Variants in ZNF678 observed in about 807,000 individuals in gnomAD.
ZNF678 encodes zinc finger protein 678, also known as hypothetical protein MGC42493.
A neutral mutation model predicts 3.0 loss-of-function variants in ZNF678; 5 were observed. The ratio of observed to expected loss-of-function variants is 1.69; its 90% CI spans 0.88 to 3.56. ZNF678 has a LOEUF of 3.56. Among genes scored for constraint, ZNF678 ranks in the 30% most tolerant of loss-of-function variants. The probability of loss-of-function intolerance (pLI) is 0.00; values close to 1 mark genes in which losing one functional copy is unlikely to be tolerated. For synonymous variants in ZNF678, 218 were observed against 199.6 expected (o/e 1.09, Z -0.78); for missense variants, 593 against 605.0 (o/e 0.98, Z 0.21).
chr1:227,595,973 G>A (rs1657575835), intron 1 of ZNF678, among the ~76,000 whole-genome samples: 1 of 152,206 alleles, frequency 6.6e-6, no homozygotes, highest in African/African-American at 2.4e-5. Context: ...CCACTCAAAT[G>A]GAGTGGGCAA....
chr1:227,636,685 C>T (rs747550179), intron 1 of ZNF678, among the ~76,000 whole-genome samples: 6 of 152,114 alleles, frequency 3.9e-5, no homozygotes, highest in African/African-American at 1.2e-4. Context: ...ACAGGGACTC[C>T]GAGGGTGCTG....
At chr1:227,623,039 C>T (rs1455768577) in intron 1 of ZNF678, among the ~76,000 whole-genome samples, 1 of 152,216 alleles carries the variant, frequency 6.6e-6, no homozygotes, top group Non-Finnish European at 1.5e-5. Flanking sequence ...TAGAACCAGC[C>T]CCTCTATGTA....
intron 1 of ZNF678, among the ~76,000 whole-genome samples, chr1:227,604,104 A>G (rs138132949): frequency 2.3e-4 from 35 of 152,274 alleles, no homozygotes; most frequent in Admixed American, 2.6e-4. Context: ...ACATTTGAGT[A>G]TTTCCATTTT....
rs533174282 is a variant in ZNF678 at position 227,620,331 on chromosome 1, C to T, written c.-163-26213C>T. On this transcript the variant is annotated intron_variant, in intron 1 of 3. Coordinates refer to ENST00000343776, the MANE Select transcript of ZNF678 (RefSeq NM_001367909.1). ...CTTTTTTGAGTTTTCAGTAAGTTAA[C>T]GTTACCATTAATATTCCACTTACAT... 3.3e-5 allele frequency among the ~76,000 whole-genome samples: 5 copies of T among 152,170 alleles called. No individual in the cohort carries two copies. In the East Asian group the frequency reaches 5.8e-4, roughly 18 times the overall value.
intron 1 of ZNF678, among the ~76,000 whole-genome samples, chr1:227,625,280 C>A (rs1169847038): frequency 1.3e-5 from 2 of 152,102 alleles, no homozygotes; most frequent in African/African-American, 4.8e-5. Context: ...CTCTCAGTAC[C>A]CCCTCTCAAC....
In ZNF678 at chr1:227,593,865, CCCTT is replaced by C. The variant is rs1457369403; in HGVS notation, c.-164+30142_-164+30145del. ...GGTGTTATGAGTCCATCCCCCCCCC[CCCTT>C]TTTTTTTTTTTTGATGTACGAACAG... On this transcript the variant is annotated intron_variant, in intron 1 of 3. Transcript: ENST00000343776. Among the ~76,000 whole-genome samples the C allele has an allele frequency of 7.9e-3, 926 of 117,190 alleles. 20 individuals carry two copies. Among genetic ancestry groups the C allele is most frequent in the South Asian group, 0.034 (115 of 3,342 alleles). The allele number at this position is 117,190 out of a possible 152,430, so 76.9% of individuals were successfully genotyped here.
intron 2 of ZNF678, among the ~76,000 whole-genome samples, chr1:227,647,104 A>G (rs1398825381): frequency 1.3e-5 from 2 of 152,000 alleles, no homozygotes; most frequent in South Asian, 2.1e-4. Flanking sequence ...AATACAAAAA[A>G]AAATTAGATG....
chr1:227,651,448 A>G (rs897388424), intron 3 of ZNF678, among the ~76,000 whole-genome samples: 2 of 152,148 alleles, frequency 1.3e-5, no homozygotes, highest in African/African-American at 2.4e-5. Context: ...GACCACAGTA[A>G]ATGTCAAGGT....
chr1:227,612,410 A>T (rs761499909), intron 1 of ZNF678, among the ~76,000 whole-genome samples: 1 of 152,166 alleles, frequency 6.6e-6, no homozygotes, highest in Non-Finnish European at 1.5e-5. Flanking sequence ...GTGGTCACAA[A>T]CTGGAAAAAT....
chr1:227,589,635 A>G lies in ZNF678; in HGVS notation c.-164+25911A>G, dbSNP rs554772599. Among the ~76,000 whole-genome samples, 4 of 151,800 alleles carry G rather than the reference A, an allele frequency of 2.6e-5. 1 individual carries two copies. The highest frequency in any genetic ancestry group is 9.7e-5 in the African/African-American group (4 of 41,256). ...GGTCCACGTGAGAGGGCTGTGATCA[A>G]TTGAGCAAGCAGGGGGTGCATGACT... On this transcript the variant is annotated intron_variant, in intron 1 of 3. Transcript: ENST00000343776.
intron 1 of ZNF678, among the ~76,000 whole-genome samples, chr1:227,610,435 A>C (rs1657988429): frequency 6.6e-6 from 1 of 152,176 alleles, no homozygotes; most frequent in South Asian, 2.1e-4. Context: ...GTGCCCTAAA[A>C]CCCATGGGCA....
intron 1 of ZNF678, among the ~76,000 whole-genome samples, chr1:227,620,109 G>T (rs933162400): frequency 6.6e-6 from 1 of 152,166 alleles, no homozygotes; most frequent in Admixed American, 6.5e-5. Context: ...GGAGCTCCCA[G>T]AATTAAATTC....
chr1:227,589,173 T>C (rs547627678), intron 1 of ZNF678, among the ~76,000 whole-genome samples: 1 of 151,962 alleles, frequency 6.6e-6, no homozygotes, highest in Admixed American at 6.6e-5. Flanking sequence ...TTTTTGCTTT[T>C]GTTGCAATTG....
At chr1:227,634,793 T>A (rs897984269) in intron 1 of ZNF678, among the ~76,000 whole-genome samples, 7 of 152,234 alleles carry the variant, frequency 4.6e-5, no homozygotes, top group African/African-American at 1.7e-4. Flanking sequence ...GAGAACTTAC[T>A]GCCCTGAAGG....
chr1:227,586,999 G>A (rs7549475), intron 1 of ZNF678, among the ~76,000 whole-genome samples: 32,146 of 152,102 alleles, frequency 0.21, 3,914 homozygotes, highest in African/African-American at 0.33. Context: ...GGAAGACAGA[G>A]CCCTGTTCAG....
chr1:227,653,277 T>A (rs1295788909), intron 3 of ZNF678, among the ~76,000 whole-genome samples: 3 of 151,926 alleles, frequency 2.0e-5, no homozygotes, highest in Non-Finnish European at 4.4e-5. Flanking sequence ...TTTTTTTACA[T>A]CTTATGTATA....
chr1:227,573,838 G>GA (rs1210873972), intron 1 of ZNF678, among the ~76,000 whole-genome samples: 3 of 152,194 alleles, frequency 2.0e-5, no homozygotes, highest in African/African-American at 7.2e-5. Flanking sequence ...TCTACCATCA[G>GA]ATAAGTCCCA....
In ZNF678 at chr1:227,655,545, C is replaced by T. The variant is rs759101461; in HGVS notation, c.1295C>T (p.Pro432Leu). 3 of 1,612,526 alleles carry T rather than the reference C, an allele frequency of 1.9e-6. No homozygotes were observed. The highest frequency in any genetic ancestry group is 1.7e-5 in the Admixed American group (1 of 59,868). Reference sequence around the variant, plus strand: ...AAGAGAATTCATACTGGAGAGAAACCCTACAAATGTAAAGAATGTGGCAAA... The same window carrying T: ...AAGAGAATTCATACTGGAGAGAAACTCTACAAATGTAAAGAATGTGGCAAA... ...SHKRIHTGEK[P>L]YKCKECGKAF... The change falls in exon 4 of 4, where the codon CCC becomes CTC. Residue 432 changes from proline to leucine, a missense_variant. Transcript: ENST00000343776.
In ZNF678 at chr1:227,573,903, T is replaced by G. The variant is rs142351450; in HGVS notation, c.-164+10179T>G. ...GTGTTCTCATCATTTAGCTTCCACT[T>G]ACAAGTGAGAATATGCAGTATTTGT... On this transcript the variant is annotated intron_variant, in intron 1 of 3. Transcript: ENST00000343776. Among the ~76,000 whole-genome samples the G allele has an allele frequency of 3.3e-4, 51 of 152,348 alleles. No homozygotes were observed. In the East Asian group the frequency reaches 9.4e-3, roughly 28 times the overall value.
Sources: allele counts gnomAD v4.1 joint callset (sites outside exome capture counted in the v4.1 genomes callset), GRCh38; gene constraint gnomAD v4.1.1; transcripts MANE v1.5; gene names NCBI Gene and HGNC (gene_info 2026-07-23, HGNC 2026-07-21).